The following MAPRE2 variants were observed in gnomAD, a reference collection of about 807,000 sequenced individuals.
MAPRE2 encodes the protein microtubule associated protein RP/EB family member 2.
MAPRE2 carries 13 observed loss-of-function variants against 43.2 expected under a neutral mutation model. The observed-to-expected ratio is 0.30, with a 90% CI of 0.20 to 0.48. The LOEUF (loss-of-function observed/expected upper bound fraction) is 0.48. Among genes scored for constraint, MAPRE2 ranks in the 20% least tolerant of loss-of-function variants. The probability of loss-of-function intolerance (pLI) is 0.99; values close to 1 mark genes in which losing one functional copy is unlikely to be tolerated. For missense variants in MAPRE2, 161 were observed against 400.2 expected, an observed-to-expected ratio of 0.40 and a Z score of 5.10; for synonymous variants, 135 against 148.8, an observed-to-expected ratio of 0.91 and a Z score of 0.68.
chr18:35,023,239 G>T (rs1014096479), intron 2 of MAPRE2, among the ~76,000 whole-genome samples: 1 of 152,058 alleles, frequency 6.6e-6, no homozygotes, highest in Non-Finnish European at 1.5e-5. Context: ...TTGGCCGGGC[G>T]TGGTGGCTTA....
intron 1 of MAPRE2, among the ~76,000 whole-genome samples, chr18:34,982,050 AT>A (rs986050654): frequency 3.3e-5 from 5 of 151,584 alleles, no homozygotes; most frequent in Admixed American, 2.6e-4. Context: ...CACCTGGCTA[AT>A]TTTATGTATT....
chr18:35,134,687 GTT>G (rs1040219727), intron 6 of MAPRE2, among the ~76,000 whole-genome samples: 1 of 152,182 alleles, frequency 6.6e-6, no homozygotes, highest in African/African-American at 2.4e-5. Context: ...GAAGAAGAAA[GTT>G]TCCAAATTTT....
intron 6 of MAPRE2, among the ~76,000 whole-genome samples, chr18:35,132,467 G>A (rs556594103): frequency 1.1e-4 from 16 of 152,338 alleles, no homozygotes; most frequent in African/African-American, 3.1e-4. Context: ...AACTGCAAGT[G>A]GTCTGCAGCT....
At chr18:35,115,260 G>A (rs1169779512) in intron 4 of MAPRE2, among the ~76,000 whole-genome samples, 1 of 152,184 alleles carries the variant, frequency 6.6e-6, no homozygotes, top group Non-Finnish European at 1.5e-5. Context: ...TCAACACATG[G>A]CTGTTTTTGA....
rs377515739 is a variant in MAPRE2 at position 34,994,602 on chromosome 18, C to T, written c.-69-10890C>T. On this transcript the variant is annotated intron_variant, in intron 1 of 7. Transcript: ENST00000413393. ...TGATCCCTGAAGATAGGTATTCCCT[C>T]CCATTCTGTTTAAGCTGTTAGTTTT... 1.1e-4 allele frequency among the ~76,000 whole-genome samples: 16 copies of T among 152,190 alleles called. 1 individual carries two copies. The highest frequency in any genetic ancestry group is 4.6e-4 in the Admixed American group (7 of 15,288).
At chr18:35,089,704 G>A (rs1468570215) in intron 2 of MAPRE2, among the ~76,000 whole-genome samples, 1 of 152,164 alleles carries the variant, frequency 6.6e-6, no homozygotes, top group African/African-American at 2.4e-5. Flanking sequence ...ATATAAAATA[G>A]TACACCTGCT....
chr18:34,989,577 G>A (rs1459366679), intron 1 of MAPRE2, among the ~76,000 whole-genome samples: 1 of 152,158 alleles, frequency 6.6e-6, no homozygotes, highest in East Asian at 1.9e-4. Flanking sequence ...GCCAGGCATG[G>A]TGCCGTACTT....
intron 1 of MAPRE2, among the ~76,000 whole-genome samples, chr18:34,994,313 C>T (rs1020008211): frequency 1.3e-5 from 2 of 152,054 alleles, no homozygotes; most frequent in East Asian, 1.9e-4. Context: ...GTACAACAAT[C>T]TTATGAGCAC....
chr18:34,990,800 C>A (rs977868822), intron 1 of MAPRE2, among the ~76,000 whole-genome samples: 2 of 152,126 alleles, frequency 1.3e-5, no homozygotes, highest in African/African-American at 4.8e-5. Context: ...GCAGAAGGAT[C>A]GCTTGAGGCC....
At chr18:35,029,433 C>T (rs1333913274) in intron 2 of MAPRE2, among the ~76,000 whole-genome samples, 2 of 152,136 alleles carry the variant, frequency 1.3e-5, no homozygotes, top group Non-Finnish European at 1.5e-5. Flanking sequence ...CCCTGGTTGC[C>T]ACTTGATGGC....
intron 2 of MAPRE2, among the ~76,000 whole-genome samples, chr18:35,014,841 A>G (rs1182957082): frequency 6.6e-6 from 1 of 152,118 alleles, no homozygotes; most frequent in Non-Finnish European, 1.5e-5. Context: ...AAATACATCT[A>G]CACTATGCTT....
chr18:35,090,237 T>G (rs544915259), intron 2 of MAPRE2, among the ~76,000 whole-genome samples: 1 of 152,162 alleles, frequency 6.6e-6, no homozygotes, highest in Non-Finnish European at 1.5e-5. Context: ...AACAATTCTG[T>G]GAGTATGTTA....
intron 1 of MAPRE2, among the ~76,000 whole-genome samples, chr18:35,043,572 GCTTT>G (rs1237042244): frequency 5.3e-5 from 8 of 152,250 alleles, no homozygotes; most frequent in African/African-American, 1.9e-4. Context: ...TTTGCAGTTT[GCTTT>G]CTGAGTCCCT....
chr18:35,078,433 C>T (rs2144121918), intron 2 of MAPRE2, among the ~76,000 whole-genome samples: 1 of 152,208 alleles, frequency 6.6e-6, no homozygotes, highest in South Asian at 2.1e-4. Flanking sequence ...GCTTTTATTT[C>T]TCTCTCTCTG....
chr18:35,035,795 T>G (rs1186340581), intron 2 of MAPRE2, among the ~76,000 whole-genome samples: 1 of 146,468 alleles, frequency 6.8e-6, no homozygotes, highest in Non-Finnish European at 1.5e-5. Context: ...CTTCACAGTC[T>G]CTTTTTGCAG....
At chr18:35,048,103 C>G (rs1375421964) in intron 1 of MAPRE2, among the ~76,000 whole-genome samples, 1 of 152,166 alleles carries the variant, frequency 6.6e-6, no homozygotes, top group Non-Finnish European at 1.5e-5. Flanking sequence ...TGCTCAGCTT[C>G]TGGGGAGGCC....
At chr18:35,076,353 C>T (rs1603398256) in intron 2 of MAPRE2, among the ~76,000 whole-genome samples, 1 of 152,188 alleles carries the variant, frequency 6.6e-6, no homozygotes, top group East Asian at 1.9e-4. Context: ...TTTGAGCATA[C>T]AAAGAAGGAA....
At chr18:35,085,871 A>G (rs768493781) in intron 2 of MAPRE2, among the ~76,000 whole-genome samples, 1 of 152,146 alleles carries the variant, frequency 6.6e-6, no homozygotes, top group African/African-American at 2.4e-5. Context: ...CTCAGATCCA[A>G]AGGCCAACAT....
In MAPRE2 at chr18:35,135,475, A is replaced by T. The variant is rs58338024; in HGVS notation, c.909+3285A>T. On this transcript the variant is annotated intron_variant, in intron 6 of 6. Coordinates refer to ENST00000300249, the MANE Select transcript of MAPRE2 (RefSeq NM_014268.4). ...AGCATTTTCATTTCTTCCTGAGAAT[A>T]TGGAATCTGGTTTCTCTGGAACCAC... 7.0e-3 allele frequency among the ~76,000 whole-genome samples: 1,059 copies of T among 152,166 alleles called. 10 individuals are homozygous for T. The highest frequency in any genetic ancestry group is 0.025 in the African/African-American group (1,022 of 41,510).
Sources: gnomAD v4.1 joint callset for allele counts (sites outside exome capture counted in the v4.1 genomes callset) on GRCh38, gnomAD v4.1.1 for gene constraint, MANE v1.5 for transcripts, NCBI Gene and HGNC (gene_info 2026-07-23, HGNC 2026-07-21) for gene names.